The following PRKG1 variants were observed in gnomAD, a reference collection of about 807,000 sequenced individuals.
PRKG1 encodes protein kinase cGMP-dependent 1, also known as cGMP-dependent protein kinase 1.
In PRKG1, 35 loss-of-function variants were observed where a neutral mutation model predicts 88.1. That is an observed-to-expected ratio of 0.40 (90% CI 0.30 to 0.53). The LOEUF (loss-of-function observed/expected upper bound fraction) is 0.53, where lower values mean the gene tolerates loss of function less well. PRKG1 is among the 20% of genes least tolerant of loss of function. The pLI is 0.59. For missense variants in PRKG1, 540 were observed against 839.8 expected, an observed-to-expected ratio of 0.64 and a Z score of 4.41; for synonymous variants, 303 against 292.5, an observed-to-expected ratio of 1.04 and a Z score of -0.37.
chr10:51,149,027 C>G (rs992420644), intron 1 of PRKG1, among the ~76,000 whole-genome samples: 13 of 152,244 alleles, frequency 8.5e-5, no homozygotes, highest in African/African-American at 3.1e-4. Flanking sequence ...TTCTTTCTCA[C>G]TGTATGCTTC....
chr10:51,006,149 A>T (rs1485301560), intron 1 of PRKG1, among the ~76,000 whole-genome samples: 1 of 152,072 alleles, frequency 6.6e-6, no homozygotes, highest in African/African-American at 2.4e-5. Flanking sequence ...ACTGTATTTG[A>T]GCTTTTTCAT....
chr10:51,452,036 AT>A (rs1680657931), intron 2 of PRKG1, among the ~76,000 whole-genome samples: 1 of 151,906 alleles, frequency 6.6e-6, no homozygotes, highest in South Asian at 2.1e-4. Flanking sequence ...GCTAATCTTT[AT>A]TTTTAACAAC....
At chr10:52,058,874 CAG>C (rs1564450892) in intron 6 of PRKG1, among the ~76,000 whole-genome samples, 1 of 151,692 alleles carries the variant, frequency 6.6e-6, no homozygotes, top group Non-Finnish European at 1.5e-5. Context: ...AAATTACTAA[CAG>C]GGAAAATTAT....
chr10:51,879,233 T>C (rs1841377567), intron 4 of PRKG1, among the ~76,000 whole-genome samples: 1 of 152,218 alleles, frequency 6.6e-6, no homozygotes, highest in Non-Finnish European at 1.5e-5. Context: ...TTTGTAAACA[T>C]TTTATCCTTT....
intron 3 of PRKG1, among the ~76,000 whole-genome samples, chr10:51,472,240 GT>G (rs1840066634): frequency 6.6e-6 from 1 of 151,724 alleles, no homozygotes. Context: ...GTTTATTTTT[GT>G]TTTTAAAATA....
chr10:51,973,461 T>C (rs184675777), intron 5 of PRKG1, among the ~76,000 whole-genome samples: 34 of 152,282 alleles, frequency 2.2e-4, no homozygotes, highest in Admixed American at 2.1e-3. Context: ...TGGAAACCAT[T>C]GGAACAATGC....
chr10:51,876,796 C>A (rs1463332559), intron 4 of PRKG1, among the ~76,000 whole-genome samples: 1 of 152,086 alleles, frequency 6.6e-6, no homozygotes, highest in Non-Finnish European at 1.5e-5. Context: ...CAGAGACCAG[C>A]GAGAACTTGT....
chr10:51,178,532 G>T (rs769663121), intron 2 of PRKG1, among the ~76,000 whole-genome samples: 16 of 152,114 alleles, frequency 1.1e-4, no homozygotes, highest in African/African-American at 3.6e-4. Flanking sequence ...AGCTACTCTG[G>T]TGGCTGAGGT....
intron 4 of PRKG1, among the ~76,000 whole-genome samples, chr10:51,856,860 A>C (rs1177548965): frequency 6.7e-6 from 1 of 150,254 alleles, no homozygotes; most frequent in African/African-American, 2.4e-5. Flanking sequence ...GCTGCTCGGG[A>C]GGCTGAGGCA....
chr10:51,684,959 G>T (rs1039468064), intron 3 of PRKG1, among the ~76,000 whole-genome samples: 1 of 151,952 alleles, frequency 6.6e-6, no homozygotes, highest in Non-Finnish European at 1.5e-5. Context: ...GGTTTTCATT[G>T]CCTCTATAAT....
chr10:52,211,157 GTTTGTAGTT>G (rs1456148991), intron 9 of PRKG1, among the ~76,000 whole-genome samples: 1 of 152,076 alleles, frequency 6.6e-6, no homozygotes, highest in Non-Finnish European at 1.5e-5. Flanking sequence ...TTCTTTTAAA[GTTTGTAGTT>G]TTTGTCTTGG....
chr10:51,271,809 G>T (rs1839986656), intron 2 of PRKG1, among the ~76,000 whole-genome samples: 1 of 152,150 alleles, frequency 6.6e-6, no homozygotes, highest in African/African-American at 2.4e-5. Flanking sequence ...TCTTTATCCA[G>T]TCTATCACTG....
At chr10:52,113,296 A>G (rs1395949733) in intron 7 of PRKG1, among the ~76,000 whole-genome samples, 1 of 152,144 alleles carries the variant, frequency 6.6e-6, no homozygotes, top group Non-Finnish European at 1.5e-5. Context: ...AAAATTATTC[A>G]TTATGTATCA....
At chr10:51,615,967 T>G (rs1430597145) in intron 3 of PRKG1, among the ~76,000 whole-genome samples, 1 of 152,136 alleles carries the variant, frequency 6.6e-6, no homozygotes, top group African/African-American at 2.4e-5. Flanking sequence ...AAAATTTGCT[T>G]TTGTAGGGCA....
intron 5 of PRKG1, among the ~76,000 whole-genome samples, chr10:51,974,271 AC>A (rs751399630): frequency 3.3e-5 from 5 of 152,120 alleles, no homozygotes; most frequent in Non-Finnish European, 7.4e-5. Context: ...GTGAATGATG[AC>A]TACTGGGAGG....
intron 5 of PRKG1, among the ~76,000 whole-genome samples, chr10:51,944,430 A>G (rs1421689051): frequency 6.6e-6 from 1 of 151,946 alleles, no homozygotes; most frequent in Non-Finnish European, 1.5e-5. Flanking sequence ...AATTTTTTGA[A>G]GGGTTTTTTG....
intron 5 of PRKG1, among the ~76,000 whole-genome samples, chr10:52,025,170 T>G (rs1845302969): frequency 6.6e-6 from 1 of 152,190 alleles, no homozygotes; most frequent in Non-Finnish European, 1.5e-5. Context: ...CACTTTTTGA[T>G]GGGGTTGTTT....
At chr10:51,783,016 A>G (rs1838633871) in intron 3 of PRKG1, among the ~76,000 whole-genome samples, 1 of 152,004 alleles carries the variant, frequency 6.6e-6, no homozygotes, top group South Asian at 2.1e-4. Flanking sequence ...TTGCCAGGTG[A>G]TTCATATGTA....
chr10:51,739,096 G>T (rs537582174), intron 3 of PRKG1, among the ~76,000 whole-genome samples: 2 of 152,244 alleles, frequency 1.3e-5, no homozygotes, highest in East Asian at 1.9e-4. Flanking sequence ...TTTTCATTTT[G>T]CTCTGTGCTC....
Sources: allele counts gnomAD v4.1 joint callset (sites outside exome capture counted in the v4.1 genomes callset), GRCh38; gene constraint gnomAD v4.1.1; transcripts MANE v1.5; gene names NCBI Gene and HGNC (gene_info 2026-07-23, HGNC 2026-07-21).